Variants in PPP3CA observed in about 807,000 individuals in gnomAD.
PPP3CA encodes protein phosphatase 3 catalytic subunit alpha.
Under a neutral mutation model 66.5 loss-of-function variants are expected in PPP3CA, and 14 were observed. The ratio of observed to expected loss-of-function variants is 0.21; its 90% CI spans 0.14 to 0.33. The LOEUF (loss-of-function observed/expected upper bound fraction) is 0.33, where lower values mean the gene tolerates loss of function less well. Among genes scored for constraint, PPP3CA ranks in the 10% least tolerant of loss-of-function variants. The pLI, the probability that PPP3CA is intolerant of heterozygous loss-of-function variation, is 1.00. For missense variants in PPP3CA, 317 were observed against 639.5 expected (o/e 0.50, Z 5.44); for synonymous variants, 232 against 226.2 (o/e 1.03, Z -0.23).
chr4:101,100,707 T>C (rs755850588), intron 3 of PPP3CA, among the ~76,000 whole-genome samples: 5 of 152,292 alleles, frequency 3.3e-5, no homozygotes, highest in Non-Finnish European at 7.4e-5. Flanking sequence ...GTAAAACCTG[T>C]ATTCCCAAAG....
At chr4:101,286,440 T>C (rs1727850222) in intron 1 of PPP3CA, among the ~76,000 whole-genome samples, 1 of 152,222 alleles carries the variant, frequency 6.6e-6, no homozygotes, top group African/African-American at 2.4e-5. Context: ...TGATTACAAA[T>C]TATTTAGGTC....
intron 6 of PPP3CA, among the ~76,000 whole-genome samples, chr4:101,084,801 A>C (rs1405488371): frequency 6.6e-6 from 1 of 152,174 alleles, no homozygotes; most frequent in Non-Finnish European, 1.5e-5. Flanking sequence ...AAGAGGAGAT[A>C]ATCATGGGGC....
intron 1 of PPP3CA, among the ~76,000 whole-genome samples, chr4:101,234,985 C>T (rs1413550077): frequency 6.6e-6 from 1 of 151,536 alleles, no homozygotes; most frequent in Non-Finnish European, 1.5e-5. Flanking sequence ...ATAAATATTG[C>T]AAACAGGCAC....
At chr4:101,276,616 C>T (rs1727502436) in intron 1 of PPP3CA, among the ~76,000 whole-genome samples, 1 of 152,144 alleles carries the variant, frequency 6.6e-6, no homozygotes, top group Non-Finnish European at 1.5e-5. Flanking sequence ...TTTCTTCACT[C>T]ATCCCATCAT....
intron 2 of PPP3CA, among the ~76,000 whole-genome samples, chr4:101,192,900 C>A (rs1276192103): frequency 6.6e-6 from 1 of 152,160 alleles, no homozygotes; most frequent in South Asian, 2.1e-4. Flanking sequence ...AATAAGTTCT[C>A]AATGCATATT....
intron 1 of PPP3CA, among the ~76,000 whole-genome samples, chr4:101,274,852 C>A (rs1407322847): frequency 6.6e-6 from 1 of 152,066 alleles, no homozygotes; most frequent in Admixed American, 6.6e-5. Context: ...TAGATCATTA[C>A]AAACCTAACA....
chr4:101,154,784 C>T (rs563406592), intron 2 of PPP3CA, among the ~76,000 whole-genome samples: 11 of 146,946 alleles, frequency 7.5e-5, no homozygotes, highest in Middle Eastern at 3.6e-3. Context: ...TGTAAATCTG[C>T]TTCAGAACAC....
rs1727465929 is a variant in PPP3CA at position 101,040,472 on chromosome 4, A to G, written c.1241+10T>C. The G allele has an allele frequency of 6.3e-7, 1 of 1,582,574 alleles. No homozygotes were observed. The highest frequency in any genetic ancestry group is 8.6e-7 in the Non-Finnish European group (1 of 1,163,428). ...AATTTGAAACAAAAACAGAGTACGA[A>G]TGCACCCACCTGAGCACTGAGAACA... is the stretch of plus-strand genomic sequence containing the variant. On this transcript the variant is annotated intron_variant, in intron 11 of 13. Transcript: ENST00000394854.
intron 1 of PPP3CA, among the ~76,000 whole-genome samples, chr4:101,206,982 T>C (rs572980269): frequency 8.5e-5 from 13 of 152,082 alleles, no homozygotes; most frequent in African/African-American, 3.1e-4. Context: ...GCGGCCCATA[T>C]CAAAGAGTAG....
At chr4:101,138,442 T>C (rs1341337603) in intron 2 of PPP3CA, among the ~76,000 whole-genome samples, 20 of 152,228 alleles carry the variant, frequency 1.3e-4, no homozygotes, top group Admixed American at 1.3e-3. Context: ...TTTATATAAA[T>C]GGTAGCTATT....
At chr4:101,041,971 T>C (rs2110211856) in intron 10 of PPP3CA, among the ~76,000 whole-genome samples, 1 of 152,284 alleles carries the variant, frequency 6.6e-6, no homozygotes, top group Non-Finnish European at 1.5e-5. Flanking sequence ...TGTTTTGGTC[T>C]TTTATTATAA....
chr4:101,155,540 T>C (rs1398601346), intron 2 of PPP3CA, among the ~76,000 whole-genome samples: 1 of 152,220 alleles, frequency 6.6e-6, no homozygotes, highest in Non-Finnish European at 1.5e-5. Context: ...AGAGGGTAGC[T>C]AGCCTTTAAA....
At chr4:101,093,149 A>T (rs1218189090) in intron 6 of PPP3CA, among the ~76,000 whole-genome samples, 1 of 152,160 alleles carries the variant, frequency 6.6e-6, no homozygotes, top group Non-Finnish European at 1.5e-5. Flanking sequence ...CGCCATTCTA[A>T]CTGGCATGAG....
intron 10 of PPP3CA, among the ~76,000 whole-genome samples, chr4:101,042,130 T>C (rs1578397506): frequency 6.6e-6 from 1 of 151,050 alleles, no homozygotes; most frequent in South Asian, 2.1e-4. Flanking sequence ...AGAAAACTTG[T>C]ACAACACACA....
intron 1 of PPP3CA, among the ~76,000 whole-genome samples, chr4:101,266,162 C>T (rs1407777268): frequency 6.6e-6 from 1 of 152,016 alleles, no homozygotes; most frequent in Non-Finnish European, 1.5e-5. Flanking sequence ...CACCTATTTC[C>T]TCTACTTTTC....
At chr4:101,333,534 G>C (rs1483677081) in intron 1 of PPP3CA, among the ~76,000 whole-genome samples, 2 of 151,940 alleles carry the variant, frequency 1.3e-5, no homozygotes, top group African/African-American at 4.8e-5. Context: ...TGATTGGAAA[G>C]CAAAGACTTA....
intron 1 of PPP3CA, among the ~76,000 whole-genome samples, chr4:101,336,662 T>C (rs1195805320): frequency 6.6e-6 from 1 of 151,514 alleles, no homozygotes; most frequent in African/African-American, 2.4e-5. Context: ...TTCTATGGAA[T>C]TCTGTAGGAC....
At chr4:101,034,570 C>T (rs1727157169) in intron 11 of PPP3CA, among the ~76,000 whole-genome samples, 2 of 151,346 alleles carry the variant, frequency 1.3e-5, no homozygotes, top group Non-Finnish European at 1.5e-5. Flanking sequence ...GCTGCATCCA[C>T]AGCACCCAGA....
chr4:101,279,835 A>T (rs1254125394), intron 1 of PPP3CA, among the ~76,000 whole-genome samples: 1 of 152,262 alleles, frequency 6.6e-6, no homozygotes, highest in Non-Finnish European at 1.5e-5. Context: ...ATTTGCTCAG[A>T]GACAGCTGCA....
Sources: allele counts gnomAD v4.1 joint callset (sites outside exome capture counted in the v4.1 genomes callset), GRCh38; gene constraint gnomAD v4.1.1; transcripts MANE v1.5; gene names NCBI Gene and HGNC (gene_info 2026-07-23, HGNC 2026-07-21).